Variants in VWCE observed in about 807,000 individuals in gnomAD.
The protein encoded by VWCE is von Willebrand factor C and EGF domains.
Under a neutral mutation model 102.9 loss-of-function variants are expected in VWCE, and 68 were observed. The ratio of observed to expected loss-of-function variants is 0.66; its 90% CI spans 0.54 to 0.81. The LOEUF is 0.81. Ranked by LOEUF, VWCE falls within the 30% of genes least tolerant of loss-of-function variation. The probability of loss-of-function intolerance (pLI) is 0.00; values close to 1 mark genes in which losing one functional copy is unlikely to be tolerated. For missense variants in VWCE, 1,137 were observed against 1,263.6 expected (o/e 0.90, Z 1.52); for synonymous variants, 497 against 515.4 (o/e 0.96, Z 0.48).
intron 18 of VWCE, 63 bp downstream of exon 18, chr11:61,264,893 G>A: frequency 6.4e-7 from 1 of 1,568,140 alleles, no homozygotes; most frequent in Non-Finnish European, 8.7e-7. Flanking sequence ...GTTTTGCAAA[G>A]GGACAAAAGG....
rs565803294 is a variant in VWCE, at chr11:61,292,461, G to C, written c.111-885C>G. On this transcript the variant is annotated intron_variant, in intron 1 of 19. Coordinates refer to ENST00000335613, the MANE Select transcript of VWCE (RefSeq NM_152718.2). ...AAGGGTTTCTTATCTATTTACCCCA[G>C]CACGTACAGGAGTGCCTGGCATGTA... Among the ~76,000 whole-genome samples, 4 of 152,248 alleles carry C rather than the reference G, an allele frequency of 2.6e-5. No individual in the cohort carries two copies. In the South Asian group the frequency reaches 8.3e-4, roughly 32 times the overall value.
Position 61,294,858 on chromosome 11 carries a change from C to T in VWCE, c.110+70G>A. The T allele has an allele frequency of 2.7e-6, 3 of 1,126,456 alleles. No individual in the cohort carries two copies. The highest frequency in any genetic ancestry group is 3.4e-6 in the Non-Finnish European group (3 of 871,138). 69.8% of individuals were successfully genotyped at this position (1,126,456 alleles called of 1,614,324 possible). A position where few individuals can be genotyped will look rare whatever the true frequency, so the allele number is the denominator to read the frequency against. On this transcript the variant is annotated intron_variant, in intron 1 of 19. Transcript: ENST00000335613. The surrounding 1 kb of genome is among the most constrained non-coding windows in gnomAD (Gnocchi z 6.3). ...TGCCTGCGGCTCCTGAGCGCCCCTC[C>T]GCGCCTCTCGACTGCACGCCGGTAG...
chr11:61,268,924 G>A lies in VWCE; in HGVS notation c.1880C>T (p.Ala627Val). The change falls in exon 15 of 20, where the codon GCA (alanine) becomes GTA (valine). Residue 627 changes from alanine (A) to valine (V), a missense_variant and splice_region_variant. Coordinates refer to ENST00000335613, the MANE Select transcript of VWCE (RefSeq NM_152718.2). The part of the protein sequence containing the change: ...IPGQCCPDCS[A>V]GCTYTGRIFY... ...TTGGGGCAGAGGCAGGGGATTACCT[G>A]CTGAACAGTCTGGGCAGCACTGTCC... The A allele has an allele frequency of 6.2e-7, 1 of 1,614,052 alleles. No homozygotes were observed. Among genetic ancestry groups the A allele is most frequent in the Non-Finnish European group, 8.5e-7 (1 of 1,180,018 alleles).
chr11:61,262,293 G>C (rs1854384843), intron 19 of VWCE, among the ~76,000 whole-genome samples: 1 of 152,144 alleles, frequency 6.6e-6, no homozygotes. Flanking sequence ...CCCAGGTGGA[G>C]GTAGGAGGGC....
In VWCE at chr11:61,291,192, T is replaced by A; in HGVS notation, c.295+72A>T. The A allele has an allele frequency of 2.8e-6, 4 of 1,406,490 alleles. No individual in the cohort carries two copies. In the Middle Eastern group the frequency reaches 9.0e-4, roughly 315 times the overall value. The allele number at this position is 1,406,490 out of a possible 1,614,324, so 87.1% of individuals were successfully genotyped here. On this transcript the variant is annotated intron_variant, in intron 3 of 19. Transcript: ENST00000335613. ...CTGAGACACCAGGACACATCTCAAG[T>A]GCCCACTGCCCAGGACATAACCTCA...
In VWCE at chr11:61,279,887, G is replaced by A. The variant is rs114776317; in HGVS notation, c.1324+737C>T. Among the ~76,000 whole-genome samples the A allele has an allele frequency of 3.3e-3, 497 of 152,190 alleles. 5 individuals carry two copies. Among genetic ancestry groups the A allele is most frequent in the African/African-American group, 0.012 (482 of 41,512 alleles). ...ATTACATGTACACGCCACCATACCT[G>A]GCTAACTTTTTGTATTTTTTGTAGA... On this transcript the variant is annotated intron_variant, in intron 9 of 19. Transcript: ENST00000335613.
At chr11:61,282,510 G>A (rs1194393700) in intron 6 of VWCE, 7 of 351,482 alleles carry the variant, frequency 2.0e-5, no homozygotes, top group South Asian at 6.3e-5. Context: ...GAAAATGGGT[G>A]AGCAGAGAGG....
rs554902730 is a variant in VWCE, at chr11:61,271,248, C to T, written c.1785+427G>A. 262 of 183,076 alleles carry T rather than the reference C, an allele frequency of 1.4e-3. 2 individuals carry two copies. Among genetic ancestry groups the T allele is most frequent in the African/African-American group, 6.0e-3 (255 of 42,656 alleles). 11.3% of individuals were successfully genotyped at this position (183,076 alleles called of 1,614,324 possible). A position where few individuals can be genotyped will look rare whatever the true frequency, so the allele number is the denominator to read the frequency against. On this transcript the variant is annotated intron_variant, in intron 14 of 19. Transcript: ENST00000335613. ...GCAACCTCCTCCTCCCGGGTTCAAA[C>T]GATTCTCCTGCCTCAGCCTCCCAAG...
intron 18 of VWCE, 93 bp from the exon 19 acceptor site, chr11:61,264,670 C>T: frequency 7.4e-7 from 1 of 1,346,738 alleles, no homozygotes; most frequent in Non-Finnish European, 1.0e-6. Flanking sequence ...AGCAGCAGGA[C>T]CCACGGAAAG....
rs532842917 is a variant in VWCE, at chr11:61,285,617, C to T, written c.541+697G>A. Among the ~76,000 whole-genome samples the T allele has an allele frequency of 3.9e-5, 6 of 152,250 alleles. No homozygotes were observed. The East Asian group carries it at 9.7e-4, about 25-fold the overall frequency. On this transcript the variant is annotated intron_variant, in intron 5 of 19. Coordinates refer to ENST00000335613, the MANE Select transcript of VWCE (RefSeq NM_152718.2). The stretch of plus-strand genomic sequence containing the variant: ...CCGGTATGCCCCTCCCATGGCTCCT[C>T]GGGACTCATGGCCTGAGTCTCTCCC...
At chr11:61,271,998 A>T (rs1854723549) in intron 13 of VWCE, among the ~76,000 whole-genome samples, 1 of 152,204 alleles carries the variant, frequency 6.6e-6, no homozygotes, top group South Asian at 2.1e-4. Context: ...CCATTCATGC[A>T]CAGAGACATA....
At chr11:61,269,825 TG>T (rs1854621517) in intron 14 of VWCE, among the ~76,000 whole-genome samples, 1 of 152,096 alleles carries the variant, frequency 6.6e-6, no homozygotes, top group African/African-American at 2.4e-5. Flanking sequence ...TGACTGATTA[TG>T]GGTGCCCGAA....
chr11:61,263,150 T>C (rs1037240768), intron 19 of VWCE, among the ~76,000 whole-genome samples: 3 of 151,978 alleles, frequency 2.0e-5, no homozygotes, highest in Non-Finnish European at 2.9e-5. Flanking sequence ...CTACTAAAAA[T>C]ACAAAAATTA....
intron 16 of VWCE, 28 bp from the exon 17 acceptor site, chr11:61,265,240 C>T (rs955970732): frequency 6.8e-7 from 1 of 1,460,866 alleles, no homozygotes; most frequent in Non-Finnish European, 9.1e-7. Flanking sequence ...CACACAAGGC[C>T]CTCGGTTCAG....
intron 7 of VWCE, 73 bp from the exon 8 acceptor site, chr11:61,281,308 T>C: frequency 6.4e-7 from 1 of 1,554,054 alleles, no homozygotes; most frequent in South Asian, 1.1e-5. Flanking sequence ...AGACCTGGGC[T>C]CGGCTCCACC....
chr11:61,268,826 G>T, intron 15 of VWCE, 96 bp downstream of exon 15: 1 of 1,283,574 alleles, frequency 7.8e-7, no homozygotes, highest in South Asian at 1.2e-5. Context: ...CCTTGGGGTT[G>T]TTAGGACGAC....
chr11:61,272,561 C>G (rs868487907), intron 13 of VWCE, among the ~76,000 whole-genome samples: 1 of 152,102 alleles, frequency 6.6e-6, no homozygotes, highest in Middle Eastern at 3.4e-3. Flanking sequence ...CACACACACA[C>G]AGAAAACTAT....
At position 61,281,153 on chromosome 11, in the gene VWCE, C is replaced by T. The variant is rs745332182; in HGVS notation, c.870G>A (p.Glu290=). The T allele has an allele frequency of 6.2e-7, 1 of 1,613,732 alleles. No individual in the cohort carries two copies. Among genetic ancestry groups the T allele is most frequent in the Non-Finnish European group, 8.5e-7 (1 of 1,180,012 alleles). The change falls in exon 8 of 20, where the codon GAG becomes GAA. Residue 290 remains glutamate (E), a synonymous_variant. Coordinates refer to ENST00000335613, the MANE Select transcript of VWCE (RefSeq NM_152718.2). Reference sequence around the variant, plus strand: ...CTGGGGACAGGGCAGGCCGGCCGGCCTCAGGAAGCAACAGAAGCATCTTGG... The same window carrying T: ...CTGGGGACAGGGCAGGCCGGCCGGCTTCAGGAAGCAACAGAAGCATCTTGG... ...HPSKMLLLLP[E]AGRPALSPGH...
intron 5 of VWCE, among the ~76,000 whole-genome samples, chr11:61,284,477 C>T (rs2134829414): frequency 6.6e-6 from 1 of 152,270 alleles, no homozygotes; most frequent in South Asian, 2.1e-4. Flanking sequence ...CACAGCAGAC[C>T]AATGCCTGAG....
Sources: allele counts gnomAD v4.1 joint callset (sites outside exome capture counted in the v4.1 genomes callset), GRCh38; gene constraint gnomAD v4.1.1; non-coding constraint Gnocchi (gnomAD v3.1); transcripts MANE v1.5; gene names NCBI Gene and HGNC (gene_info 2026-07-23, HGNC 2026-07-21).